LHFPL3: variants seen among roughly 807,000 people sequenced by gnomAD.
LHFPL3 encodes the protein LHFPL tetraspan subfamily member 3.
LHFPL3 carries 5 observed loss-of-function variants against 19.3 expected under a neutral mutation model. That is an observed-to-expected ratio of 0.26 (90% CI 0.14 to 0.54). The LOEUF (loss-of-function observed/expected upper bound fraction) is 0.54. Among genes scored for constraint, LHFPL3 ranks in the 20% least tolerant of loss-of-function variants. The pLI is 0.94. For synonymous variants in LHFPL3, 133 were observed against 126.2 expected, an observed-to-expected ratio of 1.05 and a Z score of -0.36; for missense variants, 249 against 307.4, an observed-to-expected ratio of 0.81 and a Z score of 1.42.
At chr7:104,865,283 AAGG>A (rs1791699133) in intron 2 of LHFPL3, among the ~76,000 whole-genome samples, 1 of 152,200 alleles carries the variant, frequency 6.6e-6, no homozygotes, top group Admixed American at 6.5e-5. Context: ...CTCCGAGCTA[AAGG>A]AGGAAGTTTG....
chr7:104,571,450 G>A (rs1790229136), intron 1 of LHFPL3, among the ~76,000 whole-genome samples: 1 of 152,072 alleles, frequency 6.6e-6, no homozygotes, highest in South Asian at 2.1e-4. Flanking sequence ...TTTAGAAGGA[G>A]CCTTAACACC....
chr7:104,748,114 C>T (rs547733030), intron 2 of LHFPL3, among the ~76,000 whole-genome samples: 170 of 143,766 alleles, frequency 1.2e-3, no homozygotes, highest in South Asian at 2.1e-3. Context: ...GGATTAAGGG[C>T]GGTGCAAGAT....
chr7:104,560,536 T>C (rs1233717388), intron 1 of LHFPL3, among the ~76,000 whole-genome samples: 2 of 149,832 alleles, frequency 1.3e-5, no homozygotes, highest in Non-Finnish European at 3.0e-5. Flanking sequence ...ATCCCCTTTA[T>C]CATTTTTTAT....
chr7:104,563,964 A>G (rs182975688), intron 1 of LHFPL3, among the ~76,000 whole-genome samples: 53 of 152,344 alleles, frequency 3.5e-4, no homozygotes, highest in African/African-American at 1.2e-3. Flanking sequence ...TCTGCCATAG[A>G]AAATACCTAA....
rs2465059 is a variant in LHFPL3 at position 104,803,705 on chromosome 7, A to C, written c.682+66794A>C. ...CTGAGTAGGTACATTTGTGCAGTGC[A>C]CAAACTGCCCAACTATATGTAATAG... On this transcript the variant is annotated intron_variant, in intron 2 of 2. Transcript: ENST00000424859. Among the ~76,000 whole-genome samples, 470 of 152,374 alleles carry C rather than the reference A, an allele frequency of 3.1e-3. 2 individuals are homozygous for C. The highest frequency in any genetic ancestry group is 0.011 in the African/African-American group (438 of 41,586).
At chr7:104,789,505 C>T (rs752463536) in intron 2 of LHFPL3, among the ~76,000 whole-genome samples, 4 of 152,060 alleles carry the variant, frequency 2.6e-5, no homozygotes, top group Admixed American at 6.6e-5. Context: ...ATGCAGAAAA[C>T]AAAATTAAGA....
rs1283970281 is a variant in LHFPL3, at chr7:104,832,623, T to G, written c.683-73564T>G. ...ATCTCTCTGACATTTCTTTTTTCCT[T>G]CTTTTTTTTTTTTTTTGATATTTCT... is the stretch of plus-strand genomic sequence containing the variant. On this transcript the variant is annotated intron_variant, in intron 2 of 2. Coordinates refer to ENST00000424859, the MANE Select transcript of LHFPL3 (RefSeq NM_199000.3). Among the ~76,000 whole-genome samples the G allele has an allele frequency of 1.9e-4, 4 of 20,872 alleles. No homozygotes were observed. In the Admixed American group the frequency reaches 2.7e-3, roughly 14 times the overall value. The allele number at this position is 20,872 out of a possible 152,430, so 13.7% of individuals were successfully genotyped here. A position where few individuals can be genotyped will look rare whatever the true frequency, so the allele number is the denominator to read the frequency against.
intron 1 of LHFPL3, among the ~76,000 whole-genome samples, chr7:104,543,356 T>C (rs561951665): frequency 4.5e-4 from 68 of 152,044 alleles, no homozygotes; most frequent in Admixed American, 3.2e-3. Context: ...GTCAGTGTGG[T>C]GATTCCTCAG....
At chr7:104,835,268 C>T (rs923816394) in intron 2 of LHFPL3, among the ~76,000 whole-genome samples, 2 of 150,580 alleles carry the variant, frequency 1.3e-5, no homozygotes, top group African/African-American at 2.5e-5. Context: ...GAGTAAGTGC[C>T]CCTTAAATAT....
chr7:104,465,944 T>C (rs116065161), intron 1 of LHFPL3, among the ~76,000 whole-genome samples: 2,622 of 152,352 alleles, frequency 0.017, 57 homozygotes, highest in African/African-American at 0.052. Context: ...GTATGTTTGG[T>C]ATAATTTCAG....
chr7:104,408,911 C>T (rs1302940385), intron 1 of LHFPL3, among the ~76,000 whole-genome samples: 2 of 131,778 alleles, frequency 1.5e-5, no homozygotes, highest in African/African-American at 5.8e-5. Flanking sequence ...GTTGCCCAGG[C>T]TGGAGTGCAA....
chr7:104,440,145 C>T (rs188114250), intron 1 of LHFPL3, among the ~76,000 whole-genome samples: 45 of 149,354 alleles, frequency 3.0e-4, no homozygotes, highest in Admixed American at 1.3e-4. Flanking sequence ...ACTTGCACAT[C>T]GTGCACATGT....
intron 1 of LHFPL3, among the ~76,000 whole-genome samples, chr7:104,462,786 T>A (rs1287439462): frequency 6.6e-6 from 1 of 151,874 alleles, no homozygotes; most frequent in African/African-American, 2.4e-5. Context: ...CTCCTCCTCA[T>A]TTTTTTTGTC....
chr7:104,453,956 G>A (rs1792493529), intron 1 of LHFPL3, among the ~76,000 whole-genome samples: 1 of 152,308 alleles, frequency 6.6e-6, no homozygotes, highest in South Asian at 2.1e-4. Flanking sequence ...AAAGCCTGCA[G>A]AACTGTGAGC....
intron 1 of LHFPL3, among the ~76,000 whole-genome samples, chr7:104,565,901 A>C (rs1245672533): frequency 1.3e-5 from 2 of 152,130 alleles, no homozygotes; most frequent in Non-Finnish European, 2.9e-5. Context: ...TTAAGTGATG[A>C]CTGTGATTAT....
intron 1 of LHFPL3, among the ~76,000 whole-genome samples, chr7:104,432,974 G>A (rs1792030443): frequency 6.6e-6 from 1 of 152,002 alleles, no homozygotes; most frequent in South Asian, 2.1e-4. Flanking sequence ...AGTACAGCTG[G>A]GGTAAAACCA....
Position 104,477,273 on chromosome 7 carries a change from G to C in LHFPL3, c.445+148049G>C, listed in dbSNP as rs141909182. ...CCTGAAGTGCTGGGATTGCAGGTGT[G>C]AGCCAGTGCGCCCAGCCCAAGAACA... On this transcript the variant is annotated intron_variant, in intron 1 of 2. Coordinates refer to ENST00000424859, the MANE Select transcript of LHFPL3 (RefSeq NM_199000.3). 2.6e-5 allele frequency among the ~76,000 whole-genome samples: 4 copies of C among 152,204 alleles called. No individual in the cohort carries two copies. In the East Asian group the frequency reaches 7.7e-4, roughly 29 times the overall value.
Position 104,709,377 on chromosome 7 carries a change from A to T in LHFPL3, c.446-27298A>T, listed in dbSNP as rs6466015. Among the ~76,000 whole-genome samples the T allele has an allele frequency of 1.8e-5, 2 of 109,134 alleles. 1 individual carries two copies. The highest frequency in any genetic ancestry group is 4.1e-5 in the Non-Finnish European group (2 of 48,786). 71.6% of individuals were successfully genotyped at this position (109,134 alleles called of 152,430 possible). On this transcript the variant is annotated intron_variant, in intron 1 of 2. Transcript: ENST00000424859. ...TGGTTTTCCTAGACAGAGGACCCTG[A>T]GGCCTTCCACAGTGTTTGCGTCCCT...
chr7:104,382,360 T>C (rs929051462), intron 1 of LHFPL3, among the ~76,000 whole-genome samples: 2 of 152,198 alleles, frequency 1.3e-5, no homozygotes, highest in African/African-American at 4.8e-5. Flanking sequence ...TGGTGGCGCA[T>C]GCCTGTAATC....
Sources: gnomAD v4.1 joint callset for allele counts (sites outside exome capture counted in the v4.1 genomes callset) on GRCh38, gnomAD v4.1.1 for gene constraint, MANE v1.5 for transcripts, NCBI Gene and HGNC (gene_info 2026-07-23, HGNC 2026-07-21) for gene names.